AGO2: variants seen among roughly 807,000 people sequenced by gnomAD.
AGO2 encodes the protein argonaute RISC catalytic component 2.
In AGO2, 5 loss-of-function variants were observed where a neutral mutation model predicts 102.3. The ratio of observed to expected loss-of-function variants is 0.05; its 90% CI spans 0.03 to 0.10. AGO2 has a LOEUF of 0.10. AGO2 is among the 10% of genes least tolerant of loss of function. The pLI, the probability that AGO2 is intolerant of heterozygous loss-of-function variation, is 1.00. For synonymous variants in AGO2, 449 were observed against 473.1 expected (o/e 0.95, Z 0.66); for missense variants, 541 against 1,183.7 (o/e 0.46, Z 7.97).
intron 1 of AGO2, among the ~76,000 whole-genome samples, chr8:140,603,886 C>T (rs1240791596): frequency 6.6e-6 from 1 of 152,248 alleles, no homozygotes. Context: ...CATGACTGTT[C>T]CGCATCCCTC....
chr8:140,620,255 G>A (rs760889381), intron 1 of AGO2, among the ~76,000 whole-genome samples: 7 of 152,200 alleles, frequency 4.6e-5, no homozygotes, highest in Non-Finnish European at 1.0e-4. Context: ...CAAATGGACA[G>A]ATGTGCCTAA....
chr8:140,612,220 C>CAAAAAAAAAAAA, intron 1 of AGO2, among the ~76,000 whole-genome samples: 1 of 95,960 alleles, frequency 1.0e-5, no homozygotes, highest in East Asian at 3.6e-4. Context: ...GACTCTGTCT[C>CAAAAAAAAAAAA]AAAAAAAAAA....
intron 1 of AGO2, among the ~76,000 whole-genome samples, chr8:140,631,293 G>A (rs2074338075): frequency 6.6e-6 from 1 of 152,206 alleles, no homozygotes; most frequent in Non-Finnish European, 1.5e-5. Flanking sequence ...TATAATCCCA[G>A]CACTTTGGGA....
chr8:140,566,806 C>A (rs1466159855), intron 3 of AGO2, among the ~76,000 whole-genome samples: 1 of 152,160 alleles, frequency 6.6e-6, no homozygotes, highest in South Asian at 2.1e-4. Flanking sequence ...GGGGACAATT[C>A]CAGTACGGAC....
intron 1 of AGO2, among the ~76,000 whole-genome samples, chr8:140,585,639 G>A (rs1425729154): frequency 6.6e-6 from 1 of 152,164 alleles, no homozygotes; most frequent in Non-Finnish European, 1.5e-5. Context: ...CCCCTCCCTT[G>A]CTGCTGCTTA....
intron 1 of AGO2, among the ~76,000 whole-genome samples, chr8:140,623,916 T>C (rs759142443): frequency 1.3e-5 from 2 of 151,838 alleles, no homozygotes; most frequent in Non-Finnish European, 2.9e-5. Flanking sequence ...AAGCCTTTAG[T>C]GAGTTAAAGA....
rs1222172325 is a variant in AGO2 at position 140,589,946 on chromosome 8, C to T, written c.23-4635G>A. 6.6e-6 allele frequency among the ~76,000 whole-genome samples: 1 copy of T among 152,254 alleles called. No homozygotes were observed. Among genetic ancestry groups the T allele is most frequent in the African/African-American group, 2.4e-5 (1 of 41,466 alleles). On this transcript the variant is annotated intron_variant, in intron 1 of 18. Coordinates refer to ENST00000220592, the MANE Select transcript of AGO2 (RefSeq NM_012154.5). The surrounding 1 kb of genome is among the most constrained non-coding windows in gnomAD (Gnocchi z 4.2). Reference sequence around the variant, plus strand: ...ACAAGCAAGCCTCCCTTATGGCCACCCAAGTTGACGCTAAACACAGTCATG... The same window carrying T: ...ACAAGCAAGCCTCCCTTATGGCCACTCAAGTTGACGCTAAACACAGTCATG...
chr8:140,563,447 G>A (rs1041405723), intron 3 of AGO2, among the ~76,000 whole-genome samples: 5 of 152,156 alleles, frequency 3.3e-5, no homozygotes, highest in African/African-American at 1.2e-4. Flanking sequence ...TGTTACCTGT[G>A]CTGGTTTTGA....
At chr8:140,601,173 G>T (rs191591440) in intron 1 of AGO2, among the ~76,000 whole-genome samples, 1 of 152,176 alleles carries the variant, frequency 6.6e-6, no homozygotes, top group Non-Finnish European at 1.5e-5. Flanking sequence ...CACGGGTTCC[G>T]AGGCTGTCCG....
intron 13 of AGO2, 39 bp downstream of exon 13, chr8:140,547,429 C>T (rs764677879): frequency 6.2e-7 from 1 of 1,602,882 alleles, no homozygotes; most frequent in Non-Finnish European, 8.5e-7. Context: ...TCCCACTGTG[C>T]CCTGGTCCGC....
chr8:140,578,738 G>A (rs1026732274), intron 2 of AGO2, among the ~76,000 whole-genome samples: 12 of 152,346 alleles, frequency 7.9e-5, no homozygotes, highest in Admixed American at 2.0e-4. Context: ...GTTAGTGCTC[G>A]TTCTGCCAAG....
Position 140,529,897 on chromosome 8 carries a change from C to T in AGO2, c.*2147G>A, listed in dbSNP as rs1488520512. On this transcript the variant is annotated 3_prime_UTR_variant, in exon 19 of 19. Coordinates refer to ENST00000220592, the MANE Select transcript of AGO2 (RefSeq NM_012154.5). ...TGGTTCCAGATGATTGTAAAAATGG[C>T]TGGAAACTAATCTAATTTCAGATTT... 6.6e-6 allele frequency: 1 copy of T among 152,178 alleles called. No individual in the cohort carries two copies. Among genetic ancestry groups the T allele is most frequent in the Non-Finnish European group, 1.5e-5 (1 of 68,028 alleles). 9.4% of individuals were successfully genotyped at this position (152,178 alleles called of 1,614,324 possible). A position where few individuals can be genotyped will look rare whatever the true frequency, so the allele number is the denominator to read the frequency against.
At position 140,565,307 on chromosome 8, in the gene AGO2, C is replaced by T. The variant is rs376580816; in HGVS notation, c.337-2673G>A. Among the ~76,000 whole-genome samples, 1,504 of 151,184 alleles carry T rather than the reference C, an allele frequency of 9.9e-3. 25 individuals are homozygous for T. Among genetic ancestry groups the T allele is most frequent in the African/African-American group, 0.032 (1,319 of 41,184 alleles). ...ACAAAAAATTAGCCGGGCGTGGTGG[C>T]GGGCGCCTGTAGTCCCAGCTACTGG... On this transcript the variant is annotated intron_variant, in intron 3 of 18. Coordinates refer to ENST00000220592, the MANE Select transcript of AGO2 (RefSeq NM_012154.5).
intron 1 of AGO2, among the ~76,000 whole-genome samples, chr8:140,602,782 C>A (rs2073949309): frequency 6.6e-6 from 1 of 152,194 alleles, no homozygotes; most frequent in African/African-American, 2.4e-5. Flanking sequence ...TGGAGAGGTA[C>A]CATTTTTTTC....
intron 1 of AGO2, among the ~76,000 whole-genome samples, chr8:140,615,468 C>T (rs11985243): frequency 0.038 from 5,862 of 152,294 alleles, 378 homozygotes; most frequent in African/African-American, 0.13. Context: ...TGTTCTCGCC[C>T]GGCACACAGC....
chr8:140,604,884 C>T (rs1449067093), intron 1 of AGO2, among the ~76,000 whole-genome samples: 3 of 151,964 alleles, frequency 2.0e-5, no homozygotes, highest in Non-Finnish European at 4.4e-5. Context: ...TATTTGGTGC[C>T]ATCAAGGAAT....
chr8:140,579,664 GTTC>G (rs1265760700), intron 2 of AGO2, among the ~76,000 whole-genome samples: 2 of 150,420 alleles, frequency 1.3e-5, no homozygotes, highest in Non-Finnish European at 3.0e-5. Flanking sequence ...GTCTTTTGTT[GTTC>G]TTTTTTTTTT....
intron 13 of AGO2, among the ~76,000 whole-genome samples, chr8:140,547,232 AT>A (rs2072916948): frequency 6.6e-6 from 1 of 152,082 alleles, no homozygotes; most frequent in Non-Finnish European, 1.5e-5. Flanking sequence ...CGAGGCACAA[AT>A]TTCTCTGTCT....
chr8:140,560,978 C>T (rs905108401), intron 4 of AGO2, among the ~76,000 whole-genome samples: 5 of 152,258 alleles, frequency 3.3e-5, no homozygotes, highest in South Asian at 2.1e-4. Flanking sequence ...TGGCTGTCCA[C>T]GCATGACCCA....
Sources: gnomAD v4.1 joint callset for allele counts (sites outside exome capture counted in the v4.1 genomes callset) on GRCh38, gnomAD v4.1.1 for gene constraint, Gnocchi (gnomAD v3.1) non-coding constraint, MANE v1.5 for transcripts, NCBI Gene and HGNC (gene_info 2026-07-23, HGNC 2026-07-21) for gene names.